Variants in VPS13B observed in about 807,000 individuals in gnomAD.
VPS13B encodes the protein vacuolar protein sorting 13 homolog B, also known as intermembrane lipid transfer protein VPS13B.
In VPS13B, 285 loss-of-function variants were observed where a neutral mutation model predicts 426.4. The observed-to-expected ratio is 0.67, with a 90% CI of 0.61 to 0.74. The LOEUF is 0.74. Ranked by LOEUF, VPS13B falls within the 30% of genes least tolerant of loss-of-function variation. The probability of loss-of-function intolerance (pLI) is 0.00; values close to 1 mark genes in which losing one functional copy is unlikely to be tolerated. For missense variants in VPS13B, 4,537 were observed against 4,782.6 expected, an observed-to-expected ratio of 0.95 and a Z score of 1.51; for synonymous variants, 1,676 against 1,676.4, an observed-to-expected ratio of 1.00 and a Z score of 0.01.
chr8:99,563,459 G>A (rs1354388733), intron 31 of VPS13B, among the ~76,000 whole-genome samples: 1 of 151,972 alleles, frequency 6.6e-6, no homozygotes, highest in East Asian at 1.9e-4. Context: ...AGGCACATAA[G>A]CAAAAAGATA....
intron 31 of VPS13B, among the ~76,000 whole-genome samples, chr8:99,566,214 T>G (rs1825173919): frequency 6.6e-6 from 1 of 152,208 alleles, no homozygotes; most frequent in Non-Finnish European, 1.5e-5. Flanking sequence ...CTTCTTTATA[T>G]CTTAGTGTAG....
chr8:99,234,260 G>A (rs1337237063), intron 17 of VPS13B: 4 of 769,582 alleles, frequency 5.2e-6, no homozygotes, highest in East Asian at 2.4e-5. Flanking sequence ...TGTTGCATAT[G>A]TGACATTGAC....
At chr8:99,183,300 T>C (rs1211108132) in intron 16 of VPS13B, among the ~76,000 whole-genome samples, 1 of 152,226 alleles carries the variant, frequency 6.6e-6, no homozygotes, top group Non-Finnish European at 1.5e-5. Flanking sequence ...GAAGTTTATA[T>C]AGGTTAATGG....
At chr8:99,862,044 C>T (rs1489547357) in intron 58 of VPS13B, 98 bp downstream of exon 58, 2 of 1,381,602 alleles carry the variant, frequency 1.4e-6, no homozygotes, top group Admixed American at 2.2e-5. Flanking sequence ...CTGGGAATGA[C>T]CAGGAAATGC....
At chr8:99,170,577 C>T (rs957080435) in intron 16 of VPS13B, among the ~76,000 whole-genome samples, 5 of 151,668 alleles carry the variant, frequency 3.3e-5, no homozygotes, top group Admixed American at 1.3e-4. Context: ...CAAAAGTATA[C>T]ACATTATGTA....
intron 30 of VPS13B, among the ~76,000 whole-genome samples, chr8:99,550,447 C>T (rs1824221129): frequency 6.8e-6 from 1 of 146,966 alleles, no homozygotes; most frequent in South Asian, 2.1e-4. Flanking sequence ...TGCTATAAAT[C>T]TTCCTATTCA....
chr8:99,420,239 G>A (rs1011005139), intron 21 of VPS13B, among the ~76,000 whole-genome samples: 1 of 152,110 alleles, frequency 6.6e-6, no homozygotes, highest in Non-Finnish European at 1.5e-5. Context: ...GTTACTGTGA[G>A]AATCTTAAAC....
intron 19 of VPS13B, among the ~76,000 whole-genome samples, chr8:99,350,744 AG>A (rs1161174326): frequency 2.6e-5 from 4 of 152,046 alleles, no homozygotes; most frequent in Non-Finnish European, 5.9e-5. Context: ...TGATGGCAGG[AG>A]GTAAATGAAT....
intron 28 of VPS13B, chr8:99,507,640 C>A: frequency 7.2e-7 from 1 of 1,389,164 alleles, no homozygotes; most frequent in Non-Finnish European, 1.0e-6. Context: ...AGAGGCCATA[C>A]CTAGCGGTTG....
At position 99,725,995 on chromosome 8, in the gene VPS13B, G is replaced by A. The variant is rs756307490; in HGVS notation, c.7050+4948G>A. On this transcript the variant is annotated intron_variant, in intron 39 of 61. Transcript: ENST00000357162. ...GACCATTTAATTCACTTAAAAATTG[G>A]CCTTATAGAGTTGGCTTATAATACA... Among the ~76,000 whole-genome samples the A allele has an allele frequency of 4.1e-4, 62 of 152,240 alleles. 1 individual carries two copies. Among genetic ancestry groups the A allele is most frequent in the Non-Finnish European group, 8.8e-4 (60 of 68,014 alleles).
At chr8:99,311,794 T>G (rs1820992053) in intron 19 of VPS13B, among the ~76,000 whole-genome samples, 1 of 152,174 alleles carries the variant, frequency 6.6e-6, no homozygotes, top group African/African-American at 2.4e-5. Context: ...ATTATTATAG[T>G]GTGGGAGTCT....
Position 99,232,997 on chromosome 8 carries a change from G to T in VPS13B, c.2515+39940G>T, listed in dbSNP as rs370021259. On this transcript the variant is annotated intron_variant, in intron 17 of 61. Coordinates refer to ENST00000357162, the MANE Select transcript of VPS13B (RefSeq NM_152564.5). ...GCTGTGTTTGGTCTCATTTTGTCAG[G>T]TGTTGGAAGGGCTCCATTCATCTGT... 4.8e-3 allele frequency: 3,742 copies of T among 771,986 alleles called. 146 individuals carry two copies. The South Asian group carries it at 0.056, about 11-fold the overall frequency. 47.8% of individuals were successfully genotyped at this position (771,986 alleles called of 1,614,324 possible).
chr8:99,817,874 G>GTA, intron 45 of VPS13B, 71 bp downstream of exon 45: 1 of 1,606,436 alleles, frequency 6.2e-7, no homozygotes, highest in Non-Finnish European at 8.5e-7. Context: ...TTCTTTACTC[G>GTA]TACAGCACTT....
At position 99,854,071 on chromosome 8, in the gene VPS13B, G is replaced by A. The variant is rs549125520; in HGVS notation, c.10682G>A (p.Arg3561Gln). 3.2e-5 allele frequency: 51 copies of A among 1,613,462 alleles called. No homozygotes were observed. The highest frequency in any genetic ancestry group is 1.9e-5 in the Non-Finnish European group (23 of 1,179,512). Residue 3561 changes from arginine to glutamine, a missense_variant, in exon 56 of 62, where the codon CGG becomes CAG. Arg to Gln is a conservative substitution (Grantham distance 43). Around this residue, in one of 2 missense-constraint regions of VPS13B, gnomAD observed 4,311 missense variants for 4,474.3 expected, o/e 0.96. Transcript: ENST00000357162. Reference protein sequence around the residue: ...ARALVNPVKLRKLVIQPVNLL... With the variant: ...ARALVNPVKLQKLVIQPVNLL... ...GCCTTGGTGAATCCTGTGAAGTTAC[G>A]GAAACTGGTGATCCAGCCAGTAAAT...
intron 23 of VPS13B, among the ~76,000 whole-genome samples, chr8:99,465,902 G>A (rs1819087991): frequency 6.6e-6 from 1 of 151,942 alleles, no homozygotes; most frequent in Non-Finnish European, 1.5e-5. Flanking sequence ...ATTTTATTAT[G>A]CAAGTCTCAC....
chr8:99,100,250 C>A (rs1265018225), intron 4 of VPS13B, among the ~76,000 whole-genome samples: 1 of 152,022 alleles, frequency 6.6e-6, no homozygotes, highest in Non-Finnish European at 1.5e-5. Context: ...TTATTCATCT[C>A]AATTTGTATG....
At chr8:99,319,482 A>C (rs566119781) in intron 19 of VPS13B, among the ~76,000 whole-genome samples, 1 of 152,296 alleles carries the variant, frequency 6.6e-6, no homozygotes, top group African/African-American at 2.4e-5. Context: ...CTTACATGGA[A>C]ATCTGCGAGA....
intron 17 of VPS13B, among the ~76,000 whole-genome samples, chr8:99,260,785 A>G (rs1230967322): frequency 1.3e-5 from 2 of 152,012 alleles, no homozygotes; most frequent in African/African-American, 4.8e-5. Flanking sequence ...TGAAGAACCA[A>G]ACTCTGTCCC....
chr8:99,145,013 G>C (rs975918485), intron 13 of VPS13B, among the ~76,000 whole-genome samples: 2 of 152,090 alleles, frequency 1.3e-5, no homozygotes, highest in South Asian at 4.1e-4. Flanking sequence ...GTGAAAAGAG[G>C]GTTTTATGTA....
Sources: allele counts gnomAD v4.1 joint callset (sites outside exome capture counted in the v4.1 genomes callset), GRCh38; gene constraint gnomAD v4.1.1; regional missense constraint gnomAD v4.1.1; transcripts MANE v1.5; gene names NCBI Gene and HGNC (gene_info 2026-07-23, HGNC 2026-07-21).